The following TNN variants were observed in gnomAD, a reference collection of about 807,000 sequenced individuals.
The protein encoded by TNN is tenascin-N.
In TNN, 122 loss-of-function variants were observed where a neutral mutation model predicts 134.4. The observed-to-expected ratio is 0.91, with a 90% CI of 0.78 to 1.06. TNN has a LOEUF of 1.06. Among genes scored for constraint, TNN ranks in the 50% least tolerant of loss-of-function variants. The probability of loss-of-function intolerance (pLI) is 0.00; values close to 1 mark genes in which losing one functional copy is unlikely to be tolerated. For missense variants in TNN, 1,739 were observed against 1,699.4 expected, an observed-to-expected ratio of 1.02 and a Z score of -0.41; for synonymous variants, 710 against 670.3, an observed-to-expected ratio of 1.06 and a Z score of -0.91.
chr1:175,112,872 C>T (rs978233894), intron 9 of TNN, among the ~76,000 whole-genome samples: 3 of 151,812 alleles, frequency 2.0e-5, no homozygotes, highest in Non-Finnish European at 4.4e-5. Context: ...ATCTGCCTGC[C>T]TCGACCTCCC....
intron 9 of TNN, among the ~76,000 whole-genome samples, chr1:175,105,862 A>G (rs1327662415): frequency 6.9e-6 from 1 of 145,522 alleles, no homozygotes; most frequent in East Asian, 2.3e-4. Flanking sequence ...AAGGACCTGC[A>G]ATGGTCCTGG....
At chr1:175,078,665 GA>G (rs1316109608) in intron 2 of TNN, among the ~76,000 whole-genome samples, 2 of 152,178 alleles carry the variant, frequency 1.3e-5, no homozygotes, top group African/African-American at 4.8e-5. Context: ...AGGAAGGAAA[GA>G]AGGTGTTCTG....
At chr1:175,099,835 G>A (rs1277914733) in intron 9 of TNN, among the ~76,000 whole-genome samples, 2 of 152,024 alleles carry the variant, frequency 1.3e-5, no homozygotes, top group Non-Finnish European at 2.9e-5. Context: ...TTCTACTTGG[G>A]TCTCTCACTG....
At chr1:175,133,967 G>C (rs1049875690) in intron 15 of TNN, among the ~76,000 whole-genome samples, 1 of 152,110 alleles carries the variant, frequency 6.6e-6, no homozygotes, top group Non-Finnish European at 1.5e-5. Flanking sequence ...CACACAAAAG[G>C]CTCCCACCTA....
chr1:175,109,891 A>G (rs6681583), intron 9 of TNN, among the ~76,000 whole-genome samples: 21,303 of 151,968 alleles, frequency 0.14, 1,791 homozygotes, highest in East Asian at 0.35. Flanking sequence ...TTGCTGGATC[A>G]TATGGTACAT....
chr1:175,126,541 T>G (rs2101843218), intron 12 of TNN, among the ~76,000 whole-genome samples: 1 of 152,318 alleles, frequency 6.6e-6, no homozygotes, highest in Non-Finnish European at 1.5e-5. Context: ...TTCAGGCAAC[T>G]TTCCAGGCGG....
intron 1 of TNN, among the ~76,000 whole-genome samples, chr1:175,072,518 C>A (rs555545458): frequency 1.3e-5 from 2 of 152,222 alleles, no homozygotes; most frequent in East Asian, 3.8e-4. Context: ...GCCCCCTCCC[C>A]ACCCTCGCGG....
chr1:175,129,203 C>T (rs903244941), intron 15 of TNN, among the ~76,000 whole-genome samples: 25 of 152,174 alleles, frequency 1.6e-4, no homozygotes, highest in African/African-American at 4.3e-4. Flanking sequence ...CTATATTTTG[C>T]GAGAATCAAT....
intron 11 of TNN, among the ~76,000 whole-genome samples, chr1:175,120,153 A>G (rs377022152): frequency 1.3e-5 from 2 of 152,366 alleles, no homozygotes; most frequent in African/African-American, 4.8e-5. Context: ...GTTTCCTTGC[A>G]GTAGGCAGCT....
chr1:175,068,179 T>C (rs931728524), intron 1 of TNN, among the ~76,000 whole-genome samples: 2 of 152,216 alleles, frequency 1.3e-5, no homozygotes, highest in African/African-American at 2.4e-5. Context: ...TTATCCTCTT[T>C]CCTGCAACAC....
In TNN at chr1:175,098,340, A is replaced by G. The variant is rs1411800688; in HGVS notation, c.1864A>G (p.Ser622Gly). ...AAACATTTTCCTTCCAGATATTGACAGCCCCAAAAACCTGGTGACTGACCG... is the reference window on the plus strand; with the variant it reads ...AAACATTTTCCTTCCAGATATTGACGGCCCCAAAAACCTGGTGACTGACCG... ...ADTNAPTDIDSPKNLVTDRVT... is the reference protein window; with the variant it reads ...ADTNAPTDIDGPKNLVTDRVT... The change falls in exon 9 of 19, where the codon AGC (serine) becomes GGC (glycine). Residue 622 changes from serine to glycine, a missense_variant. By Grantham distance (56) the Ser-to-Gly change is moderately conservative (BLOSUM62 0). Transcript: ENST00000239462. 1.1e-5 allele frequency: 17 copies of G among 1,614,204 alleles called. No individual in the cohort carries two copies. Among genetic ancestry groups the G allele is most frequent in the Non-Finnish European group, 1.4e-5 (17 of 1,180,038 alleles).
chr1:175,099,754 G>C (rs1674672315), intron 9 of TNN, among the ~76,000 whole-genome samples: 1 of 152,170 alleles, frequency 6.6e-6, no homozygotes, highest in South Asian at 2.1e-4. Context: ...ACTGTAACAG[G>C]TGTTTGGGCC....
intron 11 of TNN, among the ~76,000 whole-genome samples, chr1:175,119,339 T>C (rs575405757): frequency 6.6e-6 from 1 of 152,046 alleles, no homozygotes; most frequent in African/African-American, 2.4e-5. Context: ...CTGGTGGGAG[T>C]GTAGTAGTGA....
At position 175,080,297 on chromosome 1, in the gene TNN, A is replaced by T; in HGVS notation, c.919A>T (p.Ile307Phe). The change falls in exon 4 of 19, where the codon ATC (isoleucine) becomes TTC (phenylalanine). Residue 307 changes from isoleucine (I) to phenylalanine (F), a missense_variant. Transcript: ENST00000239462. Reference sequence around the variant, plus strand: ...GGGGAAGGAGCTCTCTGGGAAGCAGATCCAAGTGCCCAAGGAGCAGCACAG... The same window carrying T: ...GGGGAAGGAGCTCTCTGGGAAGCAGTTCCAAGTGCCCAAGGAGCAGCACAG... ...PLGKELSGKQ[I>F]QVPKEQHSYE... The T allele has an allele frequency of 6.2e-7, 1 of 1,614,086 alleles. No homozygotes were observed. The highest frequency in any genetic ancestry group is 1.3e-5 in the African/African-American group (1 of 75,014).
At chr1:175,117,253 A>C in intron 10 of TNN, 48 bp downstream of exon 10, 1 of 1,594,988 alleles carries the variant, frequency 6.3e-7, no homozygotes, top group Non-Finnish European at 8.5e-7. Context: ...ATGCTAAGTC[A>C]GTGGATGACA....
intron 12 of TNN, among the ~76,000 whole-genome samples, chr1:175,124,607 G>A (rs1010804740): frequency 6.6e-6 from 1 of 152,140 alleles, no homozygotes; most frequent in African/African-American, 2.4e-5. Context: ...CTTGAACCCA[G>A]GAGGAGGAGG....
intron 16 of TNN, among the ~76,000 whole-genome samples, chr1:175,136,263 G>A (rs1675809495): frequency 6.6e-6 from 1 of 152,168 alleles, no homozygotes; most frequent in Admixed American, 6.5e-5. Context: ...TTACTGGGAG[G>A]TCACTCTAGC....
At chr1:175,093,555 C>T (rs1894683) in intron 6 of TNN, among the ~76,000 whole-genome samples, 83,304 of 151,822 alleles carry the variant, frequency 0.55, 23,427 homozygotes, top group African/African-American at 0.69. Context: ...AAGTGCCAGG[C>T]CTGGAAACTG....
intron 7 of TNN, among the ~76,000 whole-genome samples, chr1:175,096,674 A>G (rs1432023970): frequency 1.3e-5 from 2 of 152,246 alleles, no homozygotes; most frequent in Non-Finnish European, 2.9e-5. Context: ...CTCAAATGCC[A>G]TTAATAATAA....
Sources: gnomAD v4.1 joint callset for allele counts (sites outside exome capture counted in the v4.1 genomes callset) on GRCh38, gnomAD v4.1.1 for gene constraint, MANE v1.5 for transcripts, NCBI Gene and HGNC (gene_info 2026-07-23, HGNC 2026-07-21) for gene names.